Variants in NCAPH observed in about 807,000 individuals in gnomAD.
NCAPH encodes non-SMC condensin I complex subunit H, also known as condensin complex subunit 2.
Under a neutral mutation model 85.5 loss-of-function variants are expected in NCAPH, and 38 were observed. That is an observed-to-expected ratio of 0.44 (90% CI 0.34 to 0.58). The LOEUF is 0.58. Among genes scored for constraint, NCAPH ranks in the 20% least tolerant of loss-of-function variants. NCAPH has a pLI of 0.01. For missense variants in NCAPH, 789 were observed against 916.6 expected (o/e 0.86, Z 1.80); for synonymous variants, 301 against 335.1 (o/e 0.90, Z 1.11).
intron 12 of NCAPH, among the ~76,000 whole-genome samples, chr2:96,363,887 G>A (rs1346645539): frequency 6.6e-6 from 1 of 151,810 alleles, no homozygotes; most frequent in Non-Finnish European, 1.5e-5. Flanking sequence ...GTATGGCTCA[G>A]TGCAGCCTCA....
At chr2:96,364,726 T>C in intron 13 of NCAPH, 135 bp downstream of exon 13, 2 of 656,024 alleles carry the variant, frequency 3.0e-6, no homozygotes, top group Non-Finnish European at 5.4e-6. Flanking sequence ...GGGTAAAGGG[T>C]CTGCCTTCCA....
rs1210208130 is a variant in NCAPH at position 96,365,954 on chromosome 2, T to A, written c.1777T>A (p.Cys593Ser). The A allele has an allele frequency of 6.2e-7, 1 of 1,614,186 alleles. No homozygotes were observed. Among genetic ancestry groups the A allele is most frequent in the African/African-American group, 1.3e-5 (1 of 75,040 alleles). The change falls in exon 14 of 18, where the codon TGC (cysteine) becomes AGC (serine). Residue 593 changes from cysteine to serine, a missense_variant. By Grantham distance (112) the Cys-to-Ser change is moderately radical (BLOSUM62 -1). Transcript: ENST00000240423. ...GAACTCTGACCTCTCACCTTATCCTTGCCATCCACCTAAGACAGCACAACA... is the reference window on the plus strand; with the variant it reads ...GAACTCTGACCTCTCACCTTATCCTAGCCATCCACCTAAGACAGCACAACA... The part of the protein sequence containing the change: ...VGNSDLSPYP[C>S]HPPKTAQQNG...
intron 1 of NCAPH, among the ~76,000 whole-genome samples, chr2:96,337,172 G>A (rs903707654): frequency 2.6e-5 from 4 of 152,216 alleles, no homozygotes; most frequent in African/African-American, 9.7e-5. Context: ...GGCAAGGAGA[G>A]AAACCACGGA....
intron 17 of NCAPH, among the ~76,000 whole-genome samples, chr2:96,372,433 CCT>C (rs1254504943): frequency 1.3e-5 from 2 of 152,104 alleles, no homozygotes; most frequent in Non-Finnish European, 2.9e-5. Context: ...ATAGTAGCCC[CCT>C]GTTTCCACAA....
At chr2:96,364,872 T>C (rs2064673576) in intron 13 of NCAPH, among the ~76,000 whole-genome samples, 2 of 152,220 alleles carry the variant, frequency 1.3e-5, no homozygotes, top group East Asian at 3.9e-4. Context: ...TAGCCTCTGC[T>C]ACAAAGTACT....
intron 6 of NCAPH, among the ~76,000 whole-genome samples, chr2:96,349,755 T>C (rs2064412260): frequency 6.6e-6 from 1 of 152,248 alleles, no homozygotes; most frequent in African/African-American, 2.4e-5. Context: ...CCGATCTCTT[T>C]TGGACACAGC....
At chr2:96,369,335 T>G in intron 16 of NCAPH, 90 bp from the exon 17 acceptor site, 2 of 1,083,142 alleles carry the variant, frequency 1.8e-6, no homozygotes, top group Non-Finnish European at 2.8e-6. Flanking sequence ...ATTAGTTTAG[T>G]CATTGCATGT....
At chr2:96,360,397 A>G in intron 11 of NCAPH, 148 bp downstream of exon 11, 1 of 842,210 alleles carries the variant, frequency 1.2e-6, no homozygotes, top group Admixed American at 2.9e-5. Context: ...AAATAGTCCT[A>G]AACTCAGTGG....
rs368991651 is a variant in NCAPH at position 96,353,441 on chromosome 2, C to T, written c.1002+44C>T. Reference sequence around the variant, plus strand: ...GGCTCATGGTTTCAGTTAGTTGGCTCAAGAGTGGTCCTGCCCAATGGGAAC... The same window carrying T: ...GGCTCATGGTTTCAGTTAGTTGGCTTAAGAGTGGTCCTGCCCAATGGGAAC... On this transcript the variant is annotated intron_variant, in intron 8 of 17. Transcript: ENST00000240423. The T allele has an allele frequency of 5.2e-5, 80 of 1,549,166 alleles. No homozygotes were observed. In the African/African-American group the frequency reaches 8.0e-4, roughly 16 times the overall value.
At chr2:96,361,100 G>GCAC (rs2064602491) in intron 12 of NCAPH, among the ~76,000 whole-genome samples, 1 of 139,610 alleles carries the variant, frequency 7.2e-6, no homozygotes, top group Non-Finnish European at 1.5e-5. Context: ...CTAGGCTGGA[G>GCAC]TGCAATGGTG....
At position 96,343,321 on chromosome 2, in the gene NCAPH, C is replaced by G. The variant is rs992741811; in HGVS notation, c.595+17C>G. 6 of 1,607,566 alleles carry G rather than the reference C, an allele frequency of 3.7e-6. No homozygotes were observed. Among genetic ancestry groups the G allele is most frequent in the Non-Finnish European group, 4.2e-6 (5 of 1,176,502 alleles). The stretch of plus-strand genomic sequence containing the variant: ...ATGTTGCTGGTAGGTGGGTAGGGAT[C>G]TGGATTTAAGTGGCTCTTTTTAGGG... On this transcript the variant is annotated intron_variant, in intron 5 of 17. Transcript: ENST00000240423.
Position 96,351,835 on chromosome 2 carries a change from A to T in NCAPH, c.725A>T (p.Asp242Val), listed in dbSNP as rs758724480. The T allele has an allele frequency of 2.5e-6, 4 of 1,598,080 alleles. No individual in the cohort carries two copies. Among genetic ancestry groups the T allele is most frequent in the Non-Finnish European group, 3.4e-6 (4 of 1,173,562 alleles). Reference sequence around the variant, plus strand: ...TTCTTCTCTCTCTGTGTTCAGATTGATCCCATGTTTCAGAAGACAGCAGCC... The same window carrying T: ...TTCTTCTCTCTCTGTGTTCAGATTGTTCCCATGTTTCAGAAGACAGCAGCC... ...VSEADRKCEIDPMFQKTAASF... is the reference protein window; with the variant it reads ...VSEADRKCEIVPMFQKTAASF... The change falls in exon 7 of 18, where the codon GAT (aspartate) becomes GTT (valine). Residue 242 changes from aspartate to valine, a missense_variant. Asp to Val is a radical substitution (Grantham distance 152). Coordinates refer to ENST00000240423, the MANE Select transcript of NCAPH (RefSeq NM_015341.5).
chr2:96,365,724 A>G, intron 13 of NCAPH, 152 bp from the exon 14 acceptor site: 1 of 759,844 alleles, frequency 1.3e-6, no homozygotes, highest in Non-Finnish European at 2.2e-6. Flanking sequence ...CAGGATGATA[A>G]CTAGAGGCAC....
At position 96,364,572 on chromosome 2, in the gene NCAPH, A is replaced by T; in HGVS notation, c.1679A>T (p.Asn560Ile). Residue 560 changes from asparagine to isoleucine, a missense_variant, in exon 13 of 18, where the codon AAC becomes ATC. Physicochemically the swap from Asn to Ile is moderately radical, Grantham distance 149. Transcript: ENST00000240423. ...YDYNNPNDTSNFCPGLQAADS... is the reference protein window; with the variant it reads ...YDYNNPNDTSIFCPGLQAADS... ...TACAACAACCCTAACGACACCTCCA[A>T]CTTTTGCCCTGGATTACAGGTAAAG... The T allele has an allele frequency of 6.2e-7, 1 of 1,612,214 alleles. No individual in the cohort carries two copies. The highest frequency in any genetic ancestry group is 8.5e-7 in the Non-Finnish European group (1 of 1,178,256).
chr2:96,350,994 A>G (rs2064433495), intron 6 of NCAPH, among the ~76,000 whole-genome samples: 1 of 152,184 alleles, frequency 6.6e-6, no homozygotes, highest in South Asian at 2.1e-4. Context: ...TCATATGGCC[A>G]TGCCATTCCT....
intron 17 of NCAPH, among the ~76,000 whole-genome samples, chr2:96,372,630 A>G (rs1263555532): frequency 6.6e-6 from 1 of 152,178 alleles, no homozygotes; most frequent in Admixed American, 6.5e-5. Flanking sequence ...ACAGATCCAC[A>G]CTGCAGACGT....
At chr2:96,366,368 G>C (rs983758741) in intron 14 of NCAPH, among the ~76,000 whole-genome samples, 1 of 152,228 alleles carries the variant, frequency 6.6e-6, no homozygotes, top group Non-Finnish European at 1.5e-5. Flanking sequence ...TAGCTAGCTA[G>C]CTGTGTGGCT....
intron 14 of NCAPH, among the ~76,000 whole-genome samples, chr2:96,367,027 C>T (rs533317242): frequency 5.9e-5 from 9 of 152,136 alleles, no homozygotes; most frequent in South Asian, 2.1e-4. Context: ...ACCCAGGAGG[C>T]GGAGGTTGCA....
chr2:96,345,997 T>G (rs1018409145), intron 6 of NCAPH, among the ~76,000 whole-genome samples: 1 of 152,204 alleles, frequency 6.6e-6, no homozygotes, highest in African/African-American at 2.4e-5. Flanking sequence ...GTTTTGATTT[T>G]GTTTTTGAAT....
Sources: allele counts gnomAD v4.1 joint callset (sites outside exome capture counted in the v4.1 genomes callset), GRCh38; gene constraint gnomAD v4.1.1; transcripts MANE v1.5; gene names NCBI Gene and HGNC (gene_info 2026-07-23, HGNC 2026-07-21).